ZNF558: variants seen among roughly 807,000 people sequenced by gnomAD.
The protein encoded by ZNF558 is zinc finger protein 558.
Under a neutral mutation model 37.6 loss-of-function variants are expected in ZNF558, and 23 were observed. The ratio of observed to expected loss-of-function variants is 0.61; its 90% CI spans 0.44 to 0.87. ZNF558 has a LOEUF of 0.87. ZNF558 is among the 40% of genes least tolerant of loss of function. The pLI is 0.00. For synonymous variants in ZNF558, 189 were observed against 174.4 expected, an observed-to-expected ratio of 1.08 and a Z score of -0.66; for missense variants, 429 against 483.7, an observed-to-expected ratio of 0.89 and a Z score of 1.06.
At chr19:8,821,558 G>C (rs182545482) in intron 6 of ZNF558, 1 of 1,413,002 alleles carries the variant, frequency 7.1e-7, no homozygotes, top group East Asian at 2.6e-5. Flanking sequence ...GCCATTCCCA[G>C]GTCCAGTGCA....
upstream of ZNF558, chr19:8,833,281 C>T (rs2044407022): frequency 6.6e-6 from 1 of 152,150 alleles, no homozygotes; most frequent in Non-Finnish European, 1.5e-5. Flanking sequence ...AACTTGCTTT[C>T]CCAAGGCAGA....
chr19:8,823,876 A>G (rs2044168197), intron 4 of ZNF558: 1 of 152,220 alleles, frequency 6.6e-6, no homozygotes, highest in Non-Finnish European at 1.5e-5. Flanking sequence ...ACGGTCACCA[A>G]CGTGTAGAGA....
In ZNF558 at chr19:8,808,342, TTTA is replaced by T. The variant is rs1411855296; in HGVS notation, c.*2936_*2938del. 5.9e-5 allele frequency: 9 copies of T among 152,186 alleles called. 1 individual carries two copies. Among genetic ancestry groups the T allele is most frequent in the Admixed American group, 1.3e-4 (2 of 15,266 alleles). 9.4% of individuals were successfully genotyped at this position (152,186 alleles called of 1,614,324 possible). On this transcript the variant is annotated 3_prime_UTR_variant, in exon 10 of 10. Coordinates refer to ENST00000601372, the MANE Select transcript of ZNF558 (RefSeq NM_144693.3). ...AAATAAATAAATAAATGTTTGACCA[TTTA>T]TTATTAATGCATTACAATACTTTGC...
intron 2 of ZNF558, among the ~76,000 whole-genome samples, chr19:8,827,930 G>A (rs1382897715): frequency 2.0e-5 from 3 of 152,076 alleles, no homozygotes; most frequent in Non-Finnish European, 4.4e-5. Flanking sequence ...TGCAGGGAGC[G>A]TGGCAGCCTC....
intron 9 of ZNF558, 150 bp downstream of exon 9, chr19:8,812,411 A>AT (rs1389307504): frequency 2.0e-6 from 1 of 503,602 alleles, no homozygotes; most frequent in African/African-American, 2.0e-5. Context: ...CTAAATATTT[A>AT]TAATTTTCAC....
Position 8,811,455 on chromosome 19 carries a change from C to T in ZNF558, c.1035G>A (p.Glu345=). ...LTVHKRIHTG[E]KPYECSDCGK... ...CACAGTCACTGCACTCGTAGGGTTT[C>T]TCTCCGGTATGTATTCTCTTGTGCA... Residue 345 remains glutamate, a synonymous_variant, in exon 10 of 10, where the codon GAG becomes GAA. Coordinates refer to ENST00000601372, the MANE Select transcript of ZNF558 (RefSeq NM_144693.3). 1 of 1,614,118 alleles carries T rather than the reference C, an allele frequency of 6.2e-7. No individual in the cohort carries two copies. Among genetic ancestry groups the T allele is most frequent in the African/African-American group, 1.3e-5 (1 of 75,026 alleles).
In ZNF558 at chr19:8,811,591, G is replaced by A. The variant is rs1555768034; in HGVS notation, c.899C>T (p.Thr300Ile). The A allele has an allele frequency of 6.2e-7, 1 of 1,614,008 alleles. No individual in the cohort carries two copies. The highest frequency in any genetic ancestry group is 8.5e-7 in the Non-Finnish European group (1 of 1,179,984). The part of the protein sequence containing the change: ...KPYECHDCGK[T>I]FRKSSYLTQH... Reference sequence around the variant, plus strand: ...TGTCAGATAGGAGCTCTTCCTGAAGGTTTTCCCACAATCGTGACATTCATA... The same window carrying A: ...TGTCAGATAGGAGCTCTTCCTGAAGATTTTCCCACAATCGTGACATTCATA... The change falls in exon 10 of 10, where the codon ACC becomes ATC. Residue 300 changes from threonine to isoleucine, a missense_variant. Coordinates refer to ENST00000601372, the MANE Select transcript of ZNF558 (RefSeq NM_144693.3).
At chr19:8,836,975 A>G (rs1393102399), upstream of ZNF558, among the ~76,000 whole-genome samples, 1 of 152,242 alleles carries the variant, frequency 6.6e-6, no homozygotes, top group South Asian at 2.1e-4. Context: ...GCTATGAACC[A>G]CACACTCCTT....
chr19:8,830,124 G>T (rs964088288), intron 2 of ZNF558, among the ~76,000 whole-genome samples: 1 of 152,208 alleles, frequency 6.6e-6, no homozygotes, highest in East Asian at 1.9e-4. Flanking sequence ...AGATCTGATG[G>T]TTTAGAAGTT....
chr19:8,816,294 C>T (rs1568465805), intron 7 of ZNF558, among the ~76,000 whole-genome samples: 1 of 152,130 alleles, frequency 6.6e-6, no homozygotes, highest in Non-Finnish European at 1.5e-5. Flanking sequence ...TACTCCTGAC[C>T]TCAAGGGGTC....
intron 7 of ZNF558, among the ~76,000 whole-genome samples, chr19:8,815,601 T>C (rs747987406): frequency 3.3e-5 from 5 of 151,938 alleles, no homozygotes; most frequent in Non-Finnish European, 7.4e-5. Context: ...GGAAACATGG[T>C]GAGATCCTGA....
intron 7 of ZNF558, among the ~76,000 whole-genome samples, chr19:8,820,492 G>GT (rs942895924): frequency 7.9e-5 from 12 of 151,842 alleles, no homozygotes; most frequent in South Asian, 4.2e-4. Flanking sequence ...TTTTTGTTTT[G>GT]TTTTTTTTGA....
chr19:8,820,408 G>A (rs959497399), intron 7 of ZNF558, among the ~76,000 whole-genome samples: 7 of 152,166 alleles, frequency 4.6e-5, no homozygotes, highest in African/African-American at 1.4e-4. Flanking sequence ...GCAAAATGTG[G>A]TATGTCCATA....
chr19:8,828,275 T>A (rs1197269093), intron 2 of ZNF558, among the ~76,000 whole-genome samples: 1 of 152,312 alleles, frequency 6.6e-6, no homozygotes, highest in South Asian at 2.1e-4. Context: ...AAACTAAAGA[T>A]AACATCTTAA....
intron 7 of ZNF558, 133 bp downstream of exon 7, chr19:8,821,047 T>C: frequency 7.4e-7 from 1 of 1,351,288 alleles, no homozygotes; most frequent in Non-Finnish European, 9.9e-7. Context: ...ACCACTGGAC[T>C]GGATATCTTA....
At chr19:8,836,886 T>C (rs1286678442), upstream of ZNF558, among the ~76,000 whole-genome samples, 2 of 152,218 alleles carry the variant, frequency 1.3e-5, no homozygotes, top group African/African-American at 4.8e-5. Context: ...TGTGGGCTCA[T>C]ATCATTATTA....
chr19:8,829,296 G>A (rs879771948), intron 2 of ZNF558, among the ~76,000 whole-genome samples: 6 of 152,052 alleles, frequency 3.9e-5, no homozygotes, highest in African/African-American at 1.2e-4. Context: ...AGCCACTGGG[G>A]AGGCCAGGAT....
rs970452440 is a variant in ZNF558, at chr19:8,806,652, T to A, written c.*4629A>T. 8.2e-5 allele frequency: 12 copies of A among 145,828 alleles called. No homozygotes were observed. Among genetic ancestry groups the A allele is most frequent in the Non-Finnish European group, 1.5e-5 (1 of 67,454 alleles). 9.0% of individuals were successfully genotyped at this position (145,828 alleles called of 1,614,324 possible). A position where few individuals can be genotyped will look rare whatever the true frequency, so the allele number is the denominator to read the frequency against. Reference sequence around the variant, plus strand: ...AGGAGGAGGTTGCAGTGAGCCGAGATCATGCCACTGCACTCCAGCATGGCG... The same window carrying A: ...AGGAGGAGGTTGCAGTGAGCCGAGAACATGCCACTGCACTCCAGCATGGCG... On this transcript the variant is annotated 3_prime_UTR_variant, in exon 10 of 10. Coordinates refer to ENST00000601372, the MANE Select transcript of ZNF558 (RefSeq NM_144693.3).
intron 7 of ZNF558, among the ~76,000 whole-genome samples, chr19:8,814,682 C>T (rs1366728398): frequency 3.9e-5 from 6 of 152,074 alleles, no homozygotes; most frequent in African/African-American, 1.4e-4. Flanking sequence ...TAAATGCCTA[C>T]CTAAGTATTA....
Sources: allele counts gnomAD v4.1 joint callset (sites outside exome capture counted in the v4.1 genomes callset), GRCh38; gene constraint gnomAD v4.1.1; transcripts MANE v1.5; gene names NCBI Gene and HGNC (gene_info 2026-07-23, HGNC 2026-07-21).